FGF14: variants seen among roughly 807,000 people sequenced by gnomAD.
FGF14 encodes the protein fibroblast growth factor 14, also known as fibroblast growth factor homologous factor 4.
Under a neutral mutation model 25.5 loss-of-function variants are expected in FGF14, and 5 were observed. That is an observed-to-expected ratio of 0.20 (90% CI 0.10 to 0.41). The LOEUF is 0.41. FGF14 is among the 10% of genes least tolerant of loss of function. FGF14 has a pLI of 1.00. For missense variants in FGF14, 222 were observed against 320.1 expected (o/e 0.69, Z 2.34); for synonymous variants, 138 against 118.3 (o/e 1.17, Z -1.08).
At chr13:102,046,419 C>A (rs1419828046) in intron 1 of FGF14, among the ~76,000 whole-genome samples, 1 of 152,178 alleles carries the variant, frequency 6.6e-6, no homozygotes, top group East Asian at 1.9e-4. Flanking sequence ...AAAGCTCTCA[C>A]ATGTTATTAC....
intron 3 of FGF14, among the ~76,000 whole-genome samples, chr13:101,815,178 G>C (rs2984833): frequency 0.44 from 66,627 of 152,046 alleles, 15,042 homozygotes; most frequent in East Asian, 0.75. Context: ...GAAAAGATGG[G>C]AGTCTACAGT....
At chr13:102,296,374 A>G (rs1594765807) in intron 1 of FGF14, among the ~76,000 whole-genome samples, 1 of 152,162 alleles carries the variant, frequency 6.6e-6, no homozygotes, top group East Asian at 1.9e-4. Flanking sequence ...CTTGGTGCAC[A>G]AAACCCCTCT....
intron 1 of FGF14, among the ~76,000 whole-genome samples, chr13:102,313,095 CT>C: frequency 6.6e-6 from 1 of 152,326 alleles, no homozygotes; most frequent in East Asian, 1.9e-4. Context: ...CACTGATAGC[CT>C]TACAGTTCTC....
Position 101,909,100 on chromosome 13 carries a change from T to C in FGF14, c.193+7353A>G, listed in dbSNP as rs902845862. On this transcript the variant is annotated intron_variant, in intron 1 of 4. Transcript: ENST00000376143. ...TACACAAAAATTAATTCAAGATGGA[T>C]TAAAGACTTAAACTTTAGACCTAAA... 5.9e-5 allele frequency among the ~76,000 whole-genome samples: 9 copies of C among 152,162 alleles called. No individual in the cohort carries two copies. In the East Asian group the frequency reaches 1.7e-3, roughly 29 times the overall value.
rs143811495 is a variant in FGF14, at chr13:101,871,867, C to G, written c.305-3039G>C. Among the ~76,000 whole-genome samples, 471 of 152,090 alleles carry G rather than the reference C, an allele frequency of 3.1e-3. 1 individual carries two copies. Among genetic ancestry groups the G allele is most frequent in the South Asian group, 8.3e-3 (40 of 4,816 alleles). On this transcript the variant is annotated intron_variant, in intron 2 of 4. Coordinates refer to ENST00000376143, the MANE Select transcript of FGF14 (RefSeq NM_004115.4). Reference sequence around the variant, plus strand: ...AGCAGTTGACTTGCTACAGTATTTTCTCCACCAGAACCATTTACCCATCAT... The same window carrying G: ...AGCAGTTGACTTGCTACAGTATTTTGTCCACCAGAACCATTTACCCATCAT...
chr13:101,945,156 T>C (rs1243113197), intron 1 of FGF14, among the ~76,000 whole-genome samples: 3 of 152,040 alleles, frequency 2.0e-5, no homozygotes, highest in African/African-American at 7.2e-5. Flanking sequence ...CCATCTCTAC[T>C]AAAAATACAA....
chr13:102,137,515 G>A (rs1157277738), intron 1 of FGF14, among the ~76,000 whole-genome samples: 3 of 152,074 alleles, frequency 2.0e-5, no homozygotes, highest in African/African-American at 4.8e-5. Context: ...ACTTAGATGA[G>A]GAATCCCTAC....
At chr13:102,211,272 C>G (rs2050147012) in intron 1 of FGF14, among the ~76,000 whole-genome samples, 1 of 151,784 alleles carries the variant, frequency 6.6e-6, no homozygotes, top group African/African-American at 2.4e-5. Context: ...TATTTTCATT[C>G]CAAAAAAATA....
intron 3 of FGF14, among the ~76,000 whole-genome samples, chr13:101,806,669 T>C (rs1044657967): frequency 3.9e-5 from 6 of 152,158 alleles, no homozygotes; most frequent in Non-Finnish European, 1.5e-5. Flanking sequence ...CACAGTACTT[T>C]ATGAAATTGT....
intron 1 of FGF14, among the ~76,000 whole-genome samples, chr13:102,109,641 G>T (rs2045116107): frequency 6.6e-6 from 1 of 152,204 alleles, no homozygotes; most frequent in East Asian, 1.9e-4. Flanking sequence ...TTGTTTTTGA[G>T]ATTGAGTCTT....
At chr13:102,030,056 T>C (rs1328212673) in intron 1 of FGF14, among the ~76,000 whole-genome samples, 1 of 152,100 alleles carries the variant, frequency 6.6e-6, no homozygotes, top group Non-Finnish European at 1.5e-5. Context: ...ATGTGTCAAG[T>C]ATACAATATA....
chr13:101,986,923 C>T (rs2038614248), intron 1 of FGF14, among the ~76,000 whole-genome samples: 1 of 141,550 alleles, frequency 7.1e-6, no homozygotes, highest in African/African-American at 2.8e-5. Context: ...TGTATACACA[C>T]ACATGTATGT....
chr13:101,739,220 TTTA>T (rs1594085637), intron 3 of FGF14, among the ~76,000 whole-genome samples: 1 of 151,610 alleles, frequency 6.6e-6, no homozygotes, highest in East Asian at 1.9e-4. Context: ...CAAATTTCCA[TTTA>T]TTCTTTACTT....
intron 1 of FGF14, among the ~76,000 whole-genome samples, chr13:101,899,064 G>A (rs1178590674): frequency 2.0e-5 from 3 of 152,166 alleles, no homozygotes; most frequent in African/African-American, 7.2e-5. Flanking sequence ...CAGGTTTTCA[G>A]TTGGAGCCCC....
At chr13:101,756,650 T>C (rs1465580132) in intron 3 of FGF14, among the ~76,000 whole-genome samples, 7 of 152,168 alleles carry the variant, frequency 4.6e-5, no homozygotes, top group Non-Finnish European at 8.8e-5. Flanking sequence ...GGAGAACTGC[T>C]TGAATCCAGG....
At chr13:102,153,792 T>G (rs1303961169) in intron 1 of FGF14, among the ~76,000 whole-genome samples, 1 of 152,174 alleles carries the variant, frequency 6.6e-6, no homozygotes, top group Non-Finnish European at 1.5e-5. Flanking sequence ...GAAATCCATC[T>G]AATCTCAGAG....
intron 1 of FGF14, among the ~76,000 whole-genome samples, chr13:102,148,252 G>A (rs887761366): frequency 1.3e-5 from 2 of 152,080 alleles, no homozygotes; most frequent in African/African-American, 2.4e-5. Context: ...CTAAGAAACT[G>A]ATTGAGCACT....
intron 1 of FGF14, among the ~76,000 whole-genome samples, chr13:102,232,862 A>G (rs9518670): frequency 0.32 from 48,978 of 152,088 alleles, 8,536 homozygotes; most frequent in Admixed American, 0.44. Context: ...TGATGACAAT[A>G]AAGTAGTAGT....
intron 3 of FGF14, among the ~76,000 whole-genome samples, chr13:101,773,455 A>C (rs561905447): frequency 1.3e-5 from 2 of 152,230 alleles, no homozygotes; most frequent in African/African-American, 4.8e-5. Flanking sequence ...AATTTCATAA[A>C]ACTTGCAGAT....
Sources: allele counts gnomAD v4.1 joint callset (sites outside exome capture counted in the v4.1 genomes callset), GRCh38; gene constraint gnomAD v4.1.1; transcripts MANE v1.5; gene names NCBI Gene and HGNC (gene_info 2026-07-23, HGNC 2026-07-21).